Variants in EMSY observed in about 807,000 individuals in gnomAD.
EMSY encodes EMSY transcriptional repressor, BRCA2 interacting.
In EMSY, 26 loss-of-function variants were observed where a neutral mutation model predicts 134.6. That is an observed-to-expected ratio of 0.19 (90% CI 0.14 to 0.27). The LOEUF (loss-of-function observed/expected upper bound fraction) is 0.27. Among genes scored for constraint, EMSY ranks in the 10% least tolerant of loss-of-function variants. The pLI is 1.00. For missense variants in EMSY, 1,305 were observed against 1,611.4 expected, an observed-to-expected ratio of 0.81 and a Z score of 3.26; for synonymous variants, 579 against 577.8, an observed-to-expected ratio of 1.00 and a Z score of -0.03.
intron 20 of EMSY, 48 bp downstream of exon 21, chr11:76,546,345 T>A: frequency 6.4e-7 from 1 of 1,556,524 alleles, no homozygotes; most frequent in South Asian, 1.2e-5. Context: ...TTGGGGGTTG[T>A]GGGTTTGTTT....
intron 9 of EMSY, 21 bp downstream of exon 10, chr11:76,496,490 A>C (rs780373559): frequency 6.2e-7 from 1 of 1,612,206 alleles, no homozygotes; most frequent in South Asian, 1.1e-5. Context: ...AATGTTTATA[A>C]GATATGGTAA....
intron 11 of EMSY, among the ~76,000 whole-genome samples, chr11:76,517,269 T>C (rs1237127467): frequency 6.6e-6 from 1 of 152,280 alleles, no homozygotes; most frequent in Admixed American, 6.5e-5. Context: ...TTTAAAGATG[T>C]TAATTTTGGC....
chr11:76,477,061 T>C (rs1174364641), intron 8 of EMSY, among the ~76,000 whole-genome samples: 2 of 152,048 alleles, frequency 1.3e-5, no homozygotes, highest in Non-Finnish European at 2.9e-5. Context: ...TCCTGATTCC[T>C]AATGATTAAT....
At chr11:76,552,267 A>C (rs950351277), downstream of EMSY, 3 of 152,190 alleles carry the variant, frequency 2.0e-5, no homozygotes, top group African/African-American at 7.2e-5. Context: ...ATCCTTATGA[A>C]GTTTATAAAC....
In EMSY at chr11:76,509,013, A is replaced by G. The variant is rs573339834; in HGVS notation, c.1364-4373A>G. On this transcript the variant is annotated intron_variant, in intron 9 of 20. Transcript: ENST00000334736. ...CACACACAACATTTATTGATTAAGTACATCATCTTACACGAGCATGGTTTG... is the reference window on the plus strand; with the variant it reads ...CACACACAACATTTATTGATTAAGTGCATCATCTTACACGAGCATGGTTTG... Among the ~76,000 whole-genome samples, 34 of 152,306 alleles carry G rather than the reference A, an allele frequency of 2.2e-4. No homozygotes were observed. In the South Asian group the frequency reaches 2.5e-3, roughly 11 times the overall value.
At chr11:76,447,837 T>C (rs1947483248) in intron 2 of EMSY, among the ~76,000 whole-genome samples, 1 of 152,210 alleles carries the variant, frequency 6.6e-6, no homozygotes, top group Admixed American at 6.5e-5. Flanking sequence ...CTTGTCTTAT[T>C]TACCACTGTA....
chr11:76,539,560 T>C, intron 16 of EMSY, 39 bp from the exon 18 acceptor site: 2 of 1,605,310 alleles, frequency 1.2e-6, no homozygotes, highest in Non-Finnish European at 1.7e-6. Context: ...GGTGAACAGA[T>C]GAAAAGACTA....
At chr11:76,493,944 C>A (rs559000052) in intron 8 of EMSY, among the ~76,000 whole-genome samples, 110 of 152,346 alleles carry the variant, frequency 7.2e-4, no homozygotes, top group Middle Eastern at 3.4e-3. Flanking sequence ...GACCTAGGGG[C>A]TCCCCAAGCC....
intron 10 of EMSY, among the ~76,000 whole-genome samples, chr11:76,514,132 T>G (rs1950369369): frequency 6.6e-6 from 1 of 152,126 alleles, no homozygotes; most frequent in East Asian, 1.9e-4. Context: ...TTACTTAATC[T>G]CTCTAAATGT....
intron 15 of EMSY, among the ~76,000 whole-genome samples, chr11:76,537,058 C>T (rs371010588): frequency 5.7e-4 from 87 of 152,212 alleles, no homozygotes; most frequent in African/African-American, 1.9e-3. Flanking sequence ...ATCCTTCTGT[C>T]GGTGTTATTT....
intron 7 of EMSY, among the ~76,000 whole-genome samples, chr11:76,465,139 G>A (rs1948296860): frequency 6.6e-6 from 1 of 152,096 alleles, no homozygotes; most frequent in Non-Finnish European, 1.5e-5. Flanking sequence ...CATTTCTTGA[G>A]TTATTTGATT....
At chr11:76,453,849 G>T (rs975251850) in intron 4 of EMSY, 1 of 152,080 alleles carries the variant, frequency 6.6e-6, no homozygotes, top group Non-Finnish European at 1.5e-5. Flanking sequence ...TTTGTGTTCT[G>T]TCTTTAAGAA....
intron 1 of EMSY, among the ~76,000 whole-genome samples, chr11:76,446,116 C>T (rs1246719307): frequency 2.0e-5 from 3 of 152,006 alleles, no homozygotes; most frequent in Non-Finnish European, 4.4e-5. Flanking sequence ...ACCCATTTAA[C>T]AAATACTTAG....
chr11:76,547,435 G>A (rs1281982898), intron 20 of EMSY, among the ~76,000 whole-genome samples: 2 of 152,186 alleles, frequency 1.3e-5, no homozygotes, highest in Admixed American at 1.3e-4. Context: ...CTGACAAAAG[G>A]ATTTGTGATT....
chr11:76,542,387 T>G lies in EMSY; in HGVS notation c.2709+20T>G. The G allele has an allele frequency of 6.2e-7, 1 of 1,609,972 alleles. No homozygotes were observed. Among genetic ancestry groups the G allele is most frequent in the Non-Finnish European group, 8.5e-7 (1 of 1,176,214 alleles). ...CAGCAGGTTGTATCTCTTCTTTTTC[T>G]TCCTATCTTCTGCAACTGCCCATGC... On this transcript the variant is annotated intron_variant, in intron 18 of 20. Coordinates refer to ENST00000334736, the Ensembl canonical transcript of EMSY.
chr11:76,460,336 T>G (rs1257086550), intron 6 of EMSY: 1 of 335,510 alleles, frequency 3.0e-6, no homozygotes, highest in South Asian at 1.0e-4. Context: ...TGTGTTATCC[T>G]TAAGAATTCA....
intron 14 of EMSY, among the ~76,000 whole-genome samples, chr11:76,528,733 T>A (rs1201476659): frequency 6.6e-6 from 1 of 152,144 alleles, no homozygotes; most frequent in Non-Finnish European, 1.5e-5. Flanking sequence ...AATATTAAAC[T>A]GGATAGAGTT....
chr11:76,547,164 T>C, intron 20 of EMSY: 1 of 419,764 alleles, frequency 2.4e-6, no homozygotes, highest in Non-Finnish European at 4.7e-6. Flanking sequence ...TTGGAAGGTA[T>C]CAGAATAGCA....
At chr11:76,506,195 A>T (rs1422699700) in intron 9 of EMSY, among the ~76,000 whole-genome samples, 1 of 152,180 alleles carries the variant, frequency 6.6e-6, no homozygotes, top group Non-Finnish European at 1.5e-5. Flanking sequence ...TCTTTCTTGG[A>T]AATACACATA....
Sources: gnomAD v4.1 joint callset for allele counts (sites outside exome capture counted in the v4.1 genomes callset) on GRCh38, gnomAD v4.1.1 for gene constraint, MANE v1.5 for transcripts, NCBI Gene and HGNC (gene_info 2026-07-23, HGNC 2026-07-21) for gene names.